KCNQ3: variants seen among roughly 807,000 people sequenced by gnomAD.
KCNQ3 encodes the protein potassium voltage-gated channel subfamily KQT member 3.
Under a neutral mutation model 92.5 loss-of-function variants are expected in KCNQ3, and 30 were observed. The ratio of observed to expected loss-of-function variants is 0.32; its 90% CI spans 0.24 to 0.44. The LOEUF (loss-of-function observed/expected upper bound fraction) is 0.44, where lower values mean the gene tolerates loss of function less well. KCNQ3 is among the 20% of genes least tolerant of loss of function. The pLI, the probability that KCNQ3 is intolerant of heterozygous loss-of-function variation, is 1.00. For synonymous variants in KCNQ3, 450 were observed against 468.8 expected (o/e 0.96, Z 0.52); for missense variants, 913 against 1,140.3 (o/e 0.80, Z 2.87).
At chr8:132,263,075 A>G (rs1815846970) in intron 1 of KCNQ3, among the ~76,000 whole-genome samples, 3 of 152,176 alleles carry the variant, frequency 2.0e-5, no homozygotes, top group East Asian at 3.9e-4. Flanking sequence ...CAAAACTCCC[A>G]CCACTGCTCT....
chr8:132,311,330 C>T (rs7005139), intron 1 of KCNQ3, among the ~76,000 whole-genome samples: 2 of 151,840 alleles, frequency 1.3e-5, no homozygotes, highest in African/African-American at 4.8e-5. Context: ...TAGGGCATGA[C>T]AGCAAAAAGA....
chr8:132,176,032 C>T (rs965979342), intron 4 of KCNQ3, among the ~76,000 whole-genome samples: 1 of 152,144 alleles, frequency 6.6e-6, no homozygotes, highest in Non-Finnish European at 1.5e-5. Context: ...AGAGACCCAG[C>T]CCTGACACCA....
chr8:132,181,718 T>TG (rs1212302504), intron 3 of KCNQ3, among the ~76,000 whole-genome samples: 1 of 152,074 alleles, frequency 6.6e-6, no homozygotes, highest in Non-Finnish European at 1.5e-5. Context: ...TCTCTCAGCT[T>TG]GGAATAACCT....
intron 10 of KCNQ3, chr8:132,140,498 G>C: frequency 2.8e-6 from 1 of 356,314 alleles, no homozygotes; most frequent in Non-Finnish European, 5.2e-6. Flanking sequence ...AAAGGACACA[G>C]AAGCCAGCAA....
At chr8:132,191,318 C>G (rs1333994884) in intron 1 of KCNQ3, among the ~76,000 whole-genome samples, 1 of 152,038 alleles carries the variant, frequency 6.6e-6, no homozygotes, top group African/African-American at 2.4e-5. Flanking sequence ...TGCACCACCA[C>G]TCATGGTTAA....
At chr8:132,421,163 G>A (rs1711936761) in intron 1 of KCNQ3, among the ~76,000 whole-genome samples, 1 of 152,190 alleles carries the variant, frequency 6.6e-6, no homozygotes, top group African/African-American at 2.4e-5. Context: ...ATGTGCAGAT[G>A]TAATACACAG....
chr8:132,164,782 C>T (rs1826093772), intron 8 of KCNQ3, among the ~76,000 whole-genome samples: 1 of 152,078 alleles, frequency 6.6e-6, no homozygotes, highest in Non-Finnish European at 1.5e-5. Flanking sequence ...TTAGCACTGT[C>T]CATTCCTCTT....
intron 1 of KCNQ3, among the ~76,000 whole-genome samples, chr8:132,313,726 T>G (rs547810890): frequency 1.3e-5 from 2 of 152,324 alleles, no homozygotes; most frequent in South Asian, 4.1e-4. Flanking sequence ...AATATTATCC[T>G]TTTGAAAAAT....
At chr8:132,334,515 C>G (rs1337920135) in intron 1 of KCNQ3, among the ~76,000 whole-genome samples, 2 of 152,272 alleles carry the variant, frequency 1.3e-5, no homozygotes, top group East Asian at 3.9e-4. Flanking sequence ...AAATAATTGG[C>G]AAAGAAGACA....
chr8:132,459,507 C>T (rs548842153), intron 1 of KCNQ3, among the ~76,000 whole-genome samples: 29 of 152,156 alleles, frequency 1.9e-4, no homozygotes, highest in African/African-American at 6.3e-4. Flanking sequence ...CCAGCTCTCA[C>T]GGGAACTAAT....
chr8:132,128,969 G>C lies in KCNQ3; in HGVS notation c.*293C>G. 1 of 459,664 alleles carries C rather than the reference G, an allele frequency of 2.2e-6. No individual in the cohort carries two copies. The highest frequency in any genetic ancestry group is 4.0e-6 in the Non-Finnish European group (1 of 251,482). The allele number at this position is 459,664 out of a possible 1,614,324, so 28.5% of individuals were successfully genotyped here. A position where few individuals can be genotyped will look rare whatever the true frequency, so the allele number is the denominator to read the frequency against. On this transcript the variant is annotated 3_prime_UTR_variant, in exon 15 of 15. Coordinates refer to ENST00000388996, the MANE Select transcript of KCNQ3 (RefSeq NM_004519.4). ...TCATCAGTAATTTCTCCCTGTACTG[G>C]TCCAATCGTGATTAAAAGTAAGAAC...
intron 1 of KCNQ3, among the ~76,000 whole-genome samples, chr8:132,275,813 G>A (rs573944775): frequency 9.7e-4 from 147 of 152,186 alleles, no homozygotes; most frequent in African/African-American, 3.3e-3. Flanking sequence ...TCCTGACCTC[G>A]TGATCCGCCC....
chr8:132,249,844 T>C (rs1406963871), intron 1 of KCNQ3, among the ~76,000 whole-genome samples: 6 of 152,100 alleles, frequency 3.9e-5, no homozygotes, highest in Non-Finnish European at 8.8e-5. Flanking sequence ...AGCACAACGT[T>C]GGTGAGCTAG....
At chr8:132,358,896 T>A (rs1399374201) in intron 1 of KCNQ3, among the ~76,000 whole-genome samples, 1 of 152,088 alleles carries the variant, frequency 6.6e-6, no homozygotes, top group South Asian at 2.1e-4. Context: ...TTCAGAAGGG[T>A]AGTGCATAAG....
chr8:132,196,375 A>G (rs4388439), intron 1 of KCNQ3, among the ~76,000 whole-genome samples: 17,887 of 152,166 alleles, frequency 0.12, 1,974 homozygotes, highest in African/African-American at 0.29. Flanking sequence ...GTGCATTCCC[A>G]TAGGATTTCT....
intron 1 of KCNQ3, among the ~76,000 whole-genome samples, chr8:132,470,129 G>C (rs1822264688): frequency 6.6e-6 from 1 of 152,042 alleles, no homozygotes; most frequent in Non-Finnish European, 1.5e-5. Flanking sequence ...CAACAGCCTG[G>C]CACAAGGTTT....
intron 1 of KCNQ3, among the ~76,000 whole-genome samples, chr8:132,368,877 C>T (rs1367151131): frequency 6.6e-6 from 1 of 151,122 alleles, no homozygotes; most frequent in Non-Finnish European, 1.5e-5. Flanking sequence ...TAACTACAGT[C>T]ACATTTTTTC....
intron 1 of KCNQ3, among the ~76,000 whole-genome samples, chr8:132,273,613 T>A (rs1816232515): frequency 6.6e-6 from 1 of 152,240 alleles, no homozygotes; most frequent in Non-Finnish European, 1.5e-5. Flanking sequence ...GAATTTCTCC[T>A]CAGAAAATGG....
chr8:132,215,802 G>T (rs996564046), intron 1 of KCNQ3, among the ~76,000 whole-genome samples: 1 of 152,210 alleles, frequency 6.6e-6, no homozygotes, highest in Non-Finnish European at 1.5e-5. Context: ...GGTAATTCAT[G>T]TTCCAGAGTT....
Sources: gnomAD v4.1 joint callset for allele counts (sites outside exome capture counted in the v4.1 genomes callset) on GRCh38, gnomAD v4.1.1 for gene constraint, MANE v1.5 for transcripts, NCBI Gene and HGNC (gene_info 2026-07-23, HGNC 2026-07-21) for gene names.